Variants in SEMA6D observed in about 807,000 individuals in gnomAD.
SEMA6D encodes the protein semaphorin-6D.
Under a neutral mutation model 106.6 loss-of-function variants are expected in SEMA6D, and 35 were observed. The ratio of observed to expected loss-of-function variants is 0.33; its 90% confidence interval spans 0.25 to 0.44. The LOEUF is 0.44. Ranked by LOEUF, SEMA6D falls within the 20% of genes least tolerant of loss-of-function variation. The pLI, the probability that SEMA6D is intolerant of heterozygous loss-of-function variation, is 1.00. For synonymous variants in SEMA6D, 499 were observed against 487.7 expected, an observed-to-expected ratio of 1.02 and a Z score of -0.31; for missense variants, 1,185 against 1,345.9, an observed-to-expected ratio of 0.88 and a Z score of 1.87.
At chr15:47,645,139 C>T (rs1304468980) in intron 4 of SEMA6D, among the ~76,000 whole-genome samples, 1 of 152,150 alleles carries the variant, frequency 6.6e-6, no homozygotes, top group African/African-American at 2.4e-5. Flanking sequence ...AAATCTGTTT[C>T]GTTGCTGGCA....
intron 1 of SEMA6D, among the ~76,000 whole-genome samples, chr15:47,394,026 T>C (rs754150761): frequency 6.6e-6 from 1 of 152,172 alleles, no homozygotes; most frequent in Non-Finnish European, 1.5e-5. Flanking sequence ...TGGACCCCAC[T>C]CTCCCTGGTT....
chr15:47,606,739 G>A (rs2076790380), intron 4 of SEMA6D, among the ~76,000 whole-genome samples: 1 of 152,066 alleles, frequency 6.6e-6, no homozygotes, highest in African/African-American at 2.4e-5. Flanking sequence ...TGATTCCTTG[G>A]CTAAATGATG....
chr15:47,316,202 C>T (rs1490572696), intron 1 of SEMA6D, among the ~76,000 whole-genome samples: 3 of 150,182 alleles, frequency 2.0e-5, no homozygotes, highest in Non-Finnish European at 2.9e-5. Context: ...AAGCAATTCT[C>T]CTGCCTCAGC....
intron 1 of SEMA6D, among the ~76,000 whole-genome samples, chr15:47,255,057 A>G (rs925027524): frequency 2.0e-4 from 30 of 152,142 alleles, no homozygotes; most frequent in African/African-American, 7.0e-4. Context: ...CTCAGTAGAT[A>G]TGTACCATCA....
chr15:47,746,481 A>G lies in SEMA6D; in HGVS notation c.-54-13264A>G, dbSNP rs147871765. Among the ~76,000 whole-genome samples the G allele has an allele frequency of 5.9e-3, 906 of 152,316 alleles. 6 individuals are homozygous for G. Among genetic ancestry groups the G allele is most frequent in the Admixed American group, 0.021 (315 of 15,306 alleles). ...AGCCCATCCTCAGTCCTTCTTTGCC[A>G]GGGTATTGTTCATTTATTTGAAAGC... On this transcript the variant is annotated intron_variant, in intron 1 of 18. Transcript: ENST00000536845.
intron 1 of SEMA6D, among the ~76,000 whole-genome samples, chr15:47,410,714 A>C (rs749399340): frequency 2.0e-5 from 3 of 152,172 alleles, no homozygotes; most frequent in Non-Finnish European, 2.9e-5. Context: ...CTATTGATTC[A>C]GAATCTTTAG....
intron 1 of SEMA6D, among the ~76,000 whole-genome samples, chr15:47,292,433 C>G (rs1168389858): frequency 6.6e-6 from 1 of 152,112 alleles, no homozygotes; most frequent in Non-Finnish European, 1.5e-5. Context: ...TAAAAAAAAT[C>G]AAATGAGTTT....
chr15:47,228,137 T>C (rs967542830), intron 1 of SEMA6D, among the ~76,000 whole-genome samples: 9 of 135,090 alleles, frequency 6.7e-5, no homozygotes, highest in Non-Finnish European at 1.1e-4. Flanking sequence ...TGTGTGTGTG[T>C]ACACACACAC....
At chr15:47,611,808 C>T (rs936899810) in intron 4 of SEMA6D, among the ~76,000 whole-genome samples, 1 of 152,150 alleles carries the variant, frequency 6.6e-6, no homozygotes, top group African/African-American at 2.4e-5. Context: ...AAATCAATGT[C>T]AAAAGTTATG....
Position 47,771,907 on chromosome 15 carries a change from A to G in SEMA6D, c.*122A>G. 1 of 1,036,956 alleles carries G rather than the reference A, an allele frequency of 9.6e-7. No homozygotes were observed. The highest frequency in any genetic ancestry group is 1.4e-6 in the Non-Finnish European group (1 of 708,640). 64.2% of individuals were successfully genotyped at this position (1,036,956 alleles called of 1,614,324 possible). A position where few individuals can be genotyped will look rare whatever the true frequency, so the allele number is the denominator to read the frequency against. ...TTTAAGAGAACCAAGTGGCCAAAGA[A>G]ACTCTTTCTAACTTTGGCAACATCA... On this transcript the variant is annotated 3_prime_UTR_variant, in exon 19 of 19. Transcript: ENST00000536845.
At chr15:47,689,833 T>C (rs1566988975) in intron 4 of SEMA6D, among the ~76,000 whole-genome samples, 3 of 152,244 alleles carry the variant, frequency 2.0e-5, no homozygotes, top group African/African-American at 7.2e-5. Flanking sequence ...CATGACAGTC[T>C]GATGAAATGA....
chr15:47,738,762 T>A (rs2080606970), intron 1 of SEMA6D, among the ~76,000 whole-genome samples: 2 of 152,188 alleles, frequency 1.3e-5, no homozygotes, highest in Admixed American at 1.3e-4. Flanking sequence ...CACGATCATT[T>A]GTTTGGCCCC....
intron 4 of SEMA6D, among the ~76,000 whole-genome samples, chr15:47,619,180 G>A (rs1392566756): frequency 6.6e-6 from 1 of 152,202 alleles, no homozygotes; most frequent in East Asian, 1.9e-4. Context: ...CATCATTTAG[G>A]CTAGACAAAA....
intron 3 of SEMA6D, among the ~76,000 whole-genome samples, chr15:47,509,241 G>A (rs2044146993): frequency 6.6e-6 from 1 of 152,162 alleles, no homozygotes; most frequent in South Asian, 2.1e-4. Flanking sequence ...GTGTGTGTGT[G>A]TGATAATAAA....
At chr15:47,340,347 TAAA>T (rs78181284) in intron 1 of SEMA6D, among the ~76,000 whole-genome samples, 2 of 143,290 alleles carry the variant, frequency 1.4e-5, no homozygotes, top group African/African-American at 5.1e-5. Flanking sequence ...AGTGCTAACT[TAAA>T]AAAAAAAAAA....
intron 1 of SEMA6D, among the ~76,000 whole-genome samples, chr15:47,286,567 A>T (rs1240760188): frequency 6.6e-6 from 1 of 152,054 alleles, no homozygotes; most frequent in Non-Finnish European, 1.5e-5. Flanking sequence ...TTAATATTTG[A>T]TTTAATAGAA....
At chr15:47,704,833 T>C (rs2145966175) in intron 4 of SEMA6D, among the ~76,000 whole-genome samples, 1 of 152,386 alleles carries the variant, frequency 6.6e-6, no homozygotes, top group South Asian at 2.1e-4. Context: ...AAAAGGATTC[T>C]TGTATTTTAC....
At chr15:47,200,915 T>A (rs939466684) in intron 1 of SEMA6D, among the ~76,000 whole-genome samples, 9 of 152,224 alleles carry the variant, frequency 5.9e-5, no homozygotes, top group Non-Finnish European at 1.2e-4. Context: ...GATGACTGAA[T>A]GATTTCTTGT....
intron 1 of SEMA6D, among the ~76,000 whole-genome samples, chr15:47,744,015 A>T (rs1467019703): frequency 6.6e-6 from 1 of 152,184 alleles, no homozygotes; most frequent in Non-Finnish European, 1.5e-5. Flanking sequence ...GCAGTTCTTT[A>T]ACTCCTTGTC....
Sources: allele counts gnomAD v4.1 joint callset (sites outside exome capture counted in the v4.1 genomes callset), GRCh38; gene constraint gnomAD v4.1.1; transcripts MANE v1.5; gene names NCBI Gene and HGNC (gene_info 2026-07-23, HGNC 2026-07-21).